Variants in GABRA3 observed in about 807,000 individuals in gnomAD.
GABRA3 encodes gamma-aminobutyric acid type A receptor subunit alpha3.
GABRA3 carries 10 observed loss-of-function variants against 30.1 expected under a neutral mutation model. The observed-to-expected ratio is 0.33, with a 90% CI of 0.20 to 0.56. GABRA3 has a LOEUF of 0.56. GABRA3 is among the 20% of genes least tolerant of loss of function. GABRA3 has a pLI of 0.89. For missense variants in GABRA3, 233 were observed against 392.0 expected (o/e 0.59, Z 3.42); for synonymous variants, 151 against 146.8 (o/e 1.03, Z -0.21).
At position 152,427,753 on chromosome X, in the gene GABRA3, TAA is replaced by T. The variant is rs1038984644; in HGVS notation, c.-27+23391_-27+23392del. Among the ~76,000 whole-genome samples, 3 of 112,138 alleles carry T rather than the reference TAA, an allele frequency of 2.7e-5. No individual in the cohort carries two copies. In the Admixed American group the frequency reaches 2.8e-4, roughly 11 times the overall value. Reference sequence around the variant, plus strand: ...TTTCATATACTCAATAAATAGATGCTAAAATGAAAGCTAAAACTTTCTGTTTC... The same window carrying T: ...TTTCATATACTCAATAAATAGATGCTAATGAAAGCTAAAACTTTCTGTTTC... On this transcript the variant is annotated intron_variant, in intron 1 of 9. Coordinates refer to ENST00000370314, the MANE Select transcript of GABRA3 (RefSeq NM_000808.4).
chrX:152,294,022 G>A (rs756542552), intron 3 of GABRA3, among the ~76,000 whole-genome samples: 14 of 111,788 alleles, frequency 1.3e-4, no homozygotes, highest in Non-Finnish European at 2.3e-4. Flanking sequence ...GCTTCCCTTT[G>A]TGGGTAATCC....
intron 1 of GABRA3, among the ~76,000 whole-genome samples, chrX:152,442,244 T>C (rs1930950942): frequency 9.0e-6 from 1 of 111,032 alleles, no homozygotes; most frequent in African/African-American, 3.3e-5. Context: ...TTATATATAA[T>C]GTTTCATTTA....
At chrX:152,278,898 T>A (rs766204738) in intron 4 of GABRA3, among the ~76,000 whole-genome samples, 3 of 112,424 alleles carry the variant, frequency 2.7e-5, no homozygotes, top group African/African-American at 9.7e-5. Context: ...TTTGGCTGCA[T>A]AAATGTCTTC....
chrX:152,325,478 G>A (rs762648365), intron 3 of GABRA3, among the ~76,000 whole-genome samples: 1 of 111,549 alleles, frequency 9.0e-6, no homozygotes, highest in East Asian at 2.9e-4. Flanking sequence ...ATACAGCCAG[G>A]TGCCCCTCTG....
Position 152,438,406 on chromosome X carries a change from T to C in GABRA3, c.-27+12740A>G, listed in dbSNP as rs372785289. 5.3e-5 allele frequency among the ~76,000 whole-genome samples: 6 copies of C among 112,434 alleles called. No individual in the cohort carries two copies. In the East Asian group the frequency reaches 1.7e-3, roughly 32 times the overall value. On this transcript the variant is annotated intron_variant, in intron 1 of 9. Coordinates refer to ENST00000370314, the MANE Select transcript of GABRA3 (RefSeq NM_000808.4). ...CTTTGGAAGACAGTCAGGCAGTTTC[T>C]TACAAAGCTAAACATAGTTTTACCA...
intron 4 of GABRA3, among the ~76,000 whole-genome samples, chrX:152,256,676 G>A (rs894666918): frequency 8.9e-6 from 1 of 111,734 alleles, no homozygotes; most frequent in Non-Finnish European, 1.9e-5. Context: ...CCAGGTATTG[G>A]TAACAGCATA....
chrX:152,169,758 A>T (rs1243619333), intron 9 of GABRA3, among the ~76,000 whole-genome samples: 2 of 111,771 alleles, frequency 1.8e-5, no homozygotes, highest in African/African-American at 6.5e-5. Flanking sequence ...CTAATTTCAC[A>T]TACCTCATGA....
chrX:152,393,535 G>A (rs1162998958), intron 1 of GABRA3: 2 of 357,278 alleles, frequency 5.6e-6, no homozygotes, highest in African/African-American at 5.3e-5. Context: ...AAAGCAGGTG[G>A]GTGTGATACA....
Position 152,213,525 on chromosome X carries a change from G to A in GABRA3, c.635-5381C>T, listed in dbSNP as rs139544392. Among the ~76,000 whole-genome samples, 428 of 111,601 alleles carry A rather than the reference G, an allele frequency of 3.8e-3. 5 individuals carry two copies. Among genetic ancestry groups the A allele is most frequent in the African/African-American group, 0.013 (405 of 30,708 alleles). On this transcript the variant is annotated intron_variant, in intron 6 of 9. Coordinates refer to ENST00000370314, the MANE Select transcript of GABRA3 (RefSeq NM_000808.4). ...CTAAAACATTAAGAAATGAGAAGGA[G>A]TCAGTCATGCAAGAGCTTGATGGAA...
At position 152,441,701 on chromosome X, in the gene GABRA3, T is replaced by A. The variant is rs767175848; in HGVS notation, c.-27+9445A>T. Among the ~76,000 whole-genome samples, 522 of 111,712 alleles carry A rather than the reference T, an allele frequency of 4.7e-3. 6 individuals carry two copies. Among genetic ancestry groups the A allele is most frequent in the African/African-American group, 0.016 (491 of 30,817 alleles). On this transcript the variant is annotated intron_variant, in intron 1 of 9. Coordinates refer to ENST00000370314, the MANE Select transcript of GABRA3 (RefSeq NM_000808.4). ...GCCTAGAAATAGACTCAAACACATA[T>A]AAAAATTAGGCAATGTGGTGGAGTT...
At chrX:152,235,666 G>T (rs1288002780) in intron 5 of GABRA3, among the ~76,000 whole-genome samples, 1 of 111,551 alleles carries the variant, frequency 9.0e-6, no homozygotes, top group Admixed American at 9.6e-5. Flanking sequence ...AACATTTTCA[G>T]AGATGAAAGA....
intron 1 of GABRA3, among the ~76,000 whole-genome samples, chrX:152,368,766 C>T (rs759206826): frequency 2.0e-4 from 17 of 86,695 alleles, no homozygotes; most frequent in African/African-American, 3.7e-4. Flanking sequence ...AGTGCAGTGG[C>T]GTGATCTCGG....
At chrX:152,430,256 A>G (rs766617141) in intron 1 of GABRA3, among the ~76,000 whole-genome samples, 27 of 112,130 alleles carry the variant, frequency 2.4e-4, no homozygotes, top group African/African-American at 8.1e-4. Context: ...TGAACTCAGC[A>G]ATAGGCTGGG....
chrX:152,429,275 C>T (rs1281641052), intron 1 of GABRA3, among the ~76,000 whole-genome samples: 1 of 110,175 alleles, frequency 9.1e-6, no homozygotes, highest in Non-Finnish European at 1.9e-5. Context: ...CCCATGGTCT[C>T]TCTCTCCCTC....
intron 2 of GABRA3, among the ~76,000 whole-genome samples, chrX:152,358,485 C>T (rs1303080447): frequency 9.0e-6 from 1 of 111,504 alleles, no homozygotes; most frequent in Non-Finnish European, 1.9e-5. Flanking sequence ...ATATTGTCTG[C>T]AAACAGAGAT....
At chrX:152,304,645 T>C (rs1569390708) in intron 3 of GABRA3, among the ~76,000 whole-genome samples, 1 of 112,127 alleles carries the variant, frequency 8.9e-6, no homozygotes, top group Non-Finnish European at 1.9e-5. Context: ...TTCTGTTCCA[T>C]TGGTCTATGT....
chrX:152,171,602 CT>C (rs1474209062), intron 9 of GABRA3, among the ~76,000 whole-genome samples: 3 of 111,670 alleles, frequency 2.7e-5, no homozygotes, highest in African/African-American at 9.8e-5. Context: ...TTCCTACCCC[CT>C]AGCCAAGTAT....
chrX:152,350,785 G>A (rs1401813083), intron 2 of GABRA3, among the ~76,000 whole-genome samples: 1 of 111,408 alleles, frequency 9.0e-6, no homozygotes, highest in Non-Finnish European at 1.9e-5. Flanking sequence ...CACTATCTAT[G>A]GAAGCTATAA....
At chrX:152,230,263 C>T (rs1264859742) in intron 5 of GABRA3, among the ~76,000 whole-genome samples, 1 of 111,094 alleles carries the variant, frequency 9.0e-6, no homozygotes, top group Non-Finnish European at 1.9e-5. Context: ...ATAAAGCTGT[C>T]TAAATAATTA....
Sources: allele counts gnomAD v4.1 joint callset (sites outside exome capture counted in the v4.1 genomes callset), GRCh38; gene constraint gnomAD v4.1.1; transcripts MANE v1.5; gene names NCBI Gene and HGNC (gene_info 2026-07-23, HGNC 2026-07-21).